ZNF599: variants seen among roughly 807,000 people sequenced by gnomAD.
ZNF599 encodes zinc finger protein 599.
In ZNF599, 10 loss-of-function variants were observed where a neutral mutation model predicts 11.7. The observed-to-expected ratio is 0.86, with a 90% CI of 0.53 to 1.45. ZNF599 has a LOEUF of 1.45. Among genes scored for constraint, ZNF599 ranks in the 40% most tolerant of loss-of-function variants. ZNF599 has a pLI of 0.00. For synonymous variants in ZNF599, 232 were observed against 253.2 expected (o/e 0.92, Z 0.79); for missense variants, 688 against 713.6 (o/e 0.96, Z 0.41).
the ZNF599 span, among the ~76,000 whole-genome samples, chr19:34,807,308 C>T: frequency 2.4e-4 from 37 of 152,260 alleles, no homozygotes; most frequent in Middle Eastern, 3.4e-3. Flanking sequence ...GCCCAAGGGA[C>T]GCACCACCAA....
rs1050781428 is a variant in ZNF599 at position 34,765,665 on chromosome 19, T to C, written c.241+1651A>G. The C allele has an allele frequency of 5.7e-6, 4 of 702,880 alleles. No homozygotes were observed. The African/African-American group carries it at 7.0e-5, about 12-fold the overall frequency. 43.5% of individuals were successfully genotyped at this position (702,880 alleles called of 1,614,324 possible). ...AGCTGCAGGATAAGTCAGATGAACA[T>C]GAATCAGTAAGTGTCAAAAAGCAAG... On this transcript the variant is annotated intron_variant, in intron 3 of 3. Coordinates refer to ENST00000329285, the MANE Select transcript of ZNF599 (RefSeq NM_001007248.3).
At chr19:34,792,653 G>A in the ZNF599 span, among the ~76,000 whole-genome samples, 1 of 152,098 alleles carries the variant, frequency 6.6e-6, no homozygotes, top group African/African-American at 2.4e-5. Flanking sequence ...CACGAGGTCA[G>A]GAGATCGAGA....
At chr19:34,788,767 A>T in the ZNF599 span, 1 of 152,214 alleles carries the variant, frequency 6.6e-6, no homozygotes, top group African/African-American at 2.4e-5. Context: ...TATAGCCTCG[A>T]TAACATATAT....
chr19:34,789,084 C>T, the ZNF599 span, among the ~76,000 whole-genome samples: 1 of 152,148 alleles, frequency 6.6e-6, no homozygotes, highest in Non-Finnish European at 1.5e-5. Flanking sequence ...AGCAACTTTT[C>T]CACAAAGCTC....
the ZNF599 span, among the ~76,000 whole-genome samples, chr19:34,786,671 T>C: frequency 6.6e-6 from 1 of 152,178 alleles, no homozygotes; most frequent in Non-Finnish European, 1.5e-5. Context: ...GCATTCCAGT[T>C]GGCCCTGGGA....
At chr19:34,767,088 T>C in intron 3 of ZNF599, 1 of 485,034 alleles carries the variant, frequency 2.1e-6, no homozygotes, top group Non-Finnish European at 3.7e-6. Context: ...ATGAGGCTAG[T>C]GAGTGGCAAA....
At chr19:34,796,285 T>C in the ZNF599 span, among the ~76,000 whole-genome samples, 1 of 151,656 alleles carries the variant, frequency 6.6e-6, no homozygotes, top group Non-Finnish European at 1.5e-5. Flanking sequence ...GCAGTGGGGG[T>C]GTTCAACAAT....
chr19:34,759,007 C>T lies in ZNF599; in HGVS notation c.*27G>A, dbSNP rs759240857. On this transcript the variant is annotated 3_prime_UTR_variant, in exon 4 of 4. Coordinates refer to ENST00000329285, the MANE Select transcript of ZNF599 (RefSeq NM_001007248.3). ...ACTATGAGTTCACTAAAGACAAACA[C>T]ACTTGTAATAGGCCTTCCTGTATCT... 7.6e-6 allele frequency: 12 copies of T among 1,572,566 alleles called. No individual in the cohort carries two copies. The South Asian group carries it at 1.2e-4, about 16-fold the overall frequency.
chr19:34,777,663 C>T (rs921773906), upstream of ZNF599, among the ~76,000 whole-genome samples: 6 of 145,784 alleles, frequency 4.1e-5, no homozygotes, highest in Non-Finnish European at 8.9e-5. Flanking sequence ...GGAAATCCTG[C>T]CATGTGCAAC....
At chr19:34,786,557 A>T in the ZNF599 span, among the ~76,000 whole-genome samples, 1 of 152,178 alleles carries the variant, frequency 6.6e-6, no homozygotes, top group Non-Finnish European at 1.5e-5. Flanking sequence ...CACAGCGCCT[A>T]TGTGGGGTAC....
At chr19:34,802,836 T>A in the ZNF599 span, among the ~76,000 whole-genome samples, 1 of 152,108 alleles carries the variant, frequency 6.6e-6, no homozygotes, top group East Asian at 1.9e-4. Context: ...CTCTTCCCCC[T>A]GCTCCCAGCT....
In ZNF599 at chr19:34,760,441, T is replaced by C. The variant is rs2069105467; in HGVS notation, c.360A>G (p.Gln120=). The change falls in exon 4 of 4, where the codon CAA becomes CAG. Residue 120 remains glutamine, a synonymous_variant. Transcript: ENST00000329285. ...TTATTAGCTTTTCCTCATCTCTAGCTTGCCCCAACCTGGAATCTCTTGAGG... is the reference window on the plus strand; with the variant it reads ...TTATTAGCTTTTCCTCATCTCTAGCCTGCCCCAACCTGGAATCTCTTGAGG... ...QRSSRDSRLG[Q]ARDEEKLIKI... is the part of the protein sequence containing the mutation. 6 of 1,614,188 alleles carry C rather than the reference T, an allele frequency of 3.7e-6. No homozygotes were observed. Among genetic ancestry groups the C allele is most frequent in the Non-Finnish European group, 5.1e-6 (6 of 1,180,026 alleles).
chr19:34,773,772 G>C (rs1401683243), upstream of ZNF599, among the ~76,000 whole-genome samples: 2 of 152,114 alleles, frequency 1.3e-5, no homozygotes. Context: ...TTGAGAACCA[G>C]ACTCTTTAAA....
In ZNF599 at chr19:34,759,827, GA is replaced by G; in HGVS notation, c.973del (p.Ser325HisfsTer6). ...ECGKAFYYSSSFAQHMRIHTG... is the reference protein window; with the variant it reads ...ECGKAFYYSSXFAQHMRIHTG... ...ATGAATCCTCATATGTTGAGCAAAT[GA>G]GGAGCTGTAGTAAAAAGCTTTCCCA... On this transcript the variant is annotated frameshift_variant, in exon 4 of 4. Transcript: ENST00000329285. LOFTEE classifies it low-confidence loss of function (END_TRUNC). The G allele has an allele frequency of 6.2e-7, 1 of 1,614,182 alleles. No homozygotes were observed.
At chr19:34,772,736 C>A (rs948936724) in intron 1 of ZNF599, 88 bp downstream of exon 1, 4 of 1,530,424 alleles carry the variant, frequency 2.6e-6, no homozygotes, top group Admixed American at 2.0e-5. Flanking sequence ...GGGAGAAGCA[C>A]AGAGTCCCGG....
chr19:34,793,468 A>G, the ZNF599 span, among the ~76,000 whole-genome samples: 1 of 152,222 alleles, frequency 6.6e-6, no homozygotes, highest in Non-Finnish European at 1.5e-5. Flanking sequence ...GTTTACTTGA[A>G]TTGGTTTCTT....
chr19:34,797,970 C>T, the ZNF599 span, among the ~76,000 whole-genome samples: 1 of 152,118 alleles, frequency 6.6e-6, no homozygotes, highest in African/African-American at 2.4e-5. Flanking sequence ...ATAGGCTCTC[C>T]ACAAGGGTCG....
chr19:34,765,626 A>C (rs779952641), intron 3 of ZNF599: 19 of 703,168 alleles, frequency 2.7e-5, no homozygotes, highest in South Asian at 2.7e-4. Flanking sequence ...ACTCTTCCAC[A>C]GAAGTGAGAA....
chr19:34,766,123 A>G (rs897917019), intron 3 of ZNF599, among the ~76,000 whole-genome samples: 2 of 152,148 alleles, frequency 1.3e-5, no homozygotes, highest in African/African-American at 4.8e-5. Flanking sequence ...TGCCTCTGAG[A>G]CATTCAAGTG....
Sources: gnomAD v4.1 joint callset for allele counts (sites outside exome capture counted in the v4.1 genomes callset) on GRCh38, gnomAD v4.1.1 for gene constraint, MANE v1.5 for transcripts, NCBI Gene and HGNC (gene_info 2026-07-23, HGNC 2026-07-21) for gene names.